FBN2: variants seen among roughly 807,000 people sequenced by gnomAD.
The protein encoded by FBN2 is fibrillin-2.
FBN2 carries 105 observed loss-of-function variants against 355.6 expected under a neutral mutation model. That is an observed-to-expected ratio of 0.30 (90% confidence interval 0.25 to 0.35). The LOEUF is 0.35. Ranked by LOEUF, FBN2 falls within the 10% of genes least tolerant of loss-of-function variation. The pLI is 1.00. For missense variants in FBN2, 3,280 were observed against 3,758.7 expected, an observed-to-expected ratio of 0.87 and a Z score of 3.33; for synonymous variants, 1,350 against 1,301.2, an observed-to-expected ratio of 1.04 and a Z score of -0.81.
intron 6 of FBN2, among the ~76,000 whole-genome samples, chr5:128,456,023 A>AAAAAAAAAAAAAAGC (rs1554070903): frequency 3.2e-4 from 47 of 145,888 alleles, no homozygotes; most frequent in Non-Finnish European, 6.4e-4. Flanking sequence ...AAAAAAAAAA[A>AAAAAAAAAAAAAAGC]GCAACTGCTG....
chr5:128,294,986 T>A (rs1350886125), intron 48 of FBN2, among the ~76,000 whole-genome samples: 2 of 150,284 alleles, frequency 1.3e-5, no homozygotes, highest in African/African-American at 4.9e-5. Context: ...GTTTAAGTCT[T>A]TAATCCATCT....
chr5:128,369,444 G>T (rs1408712438), intron 15 of FBN2, 110 bp from the exon 16 acceptor site: 2 of 995,848 alleles, frequency 2.0e-6, no homozygotes, highest in Admixed American at 4.0e-5. Flanking sequence ...GCTTTTCAAG[G>T]GCATCTGAGA....
At chr5:128,344,538 G>A (rs1751117629) in intron 24 of FBN2, 28 bp from the exon 25 acceptor site, 1 of 1,611,500 alleles carries the variant, frequency 6.2e-7, no homozygotes, top group African/African-American at 1.3e-5. Flanking sequence ...CCAGAATGTA[G>A]AGCCGGTTGA....
chr5:128,391,558 G>A (rs1313373732), intron 11 of FBN2, among the ~76,000 whole-genome samples: 1 of 152,034 alleles, frequency 6.6e-6, no homozygotes, highest in African/African-American at 2.4e-5. Context: ...AATTATCAAA[G>A]TAGAGATAAC....
chr5:128,378,675 T>A, intron 12 of FBN2, 96 bp downstream of exon 12: 1 of 1,319,596 alleles, frequency 7.6e-7, no homozygotes, highest in Non-Finnish European at 1.1e-6. Context: ...TAACACTTAT[T>A]TTATTCCATG....
intron 3 of FBN2, among the ~76,000 whole-genome samples, chr5:128,530,215 A>G: frequency 6.6e-6 from 1 of 152,216 alleles, no homozygotes; most frequent in East Asian, 1.9e-4. Flanking sequence ...GAAGCAAAAT[A>G]GGTCCATTAT....
chr5:128,290,817 G>A lies in FBN2; in HGVS notation c.6360C>T (p.Asn2120=), dbSNP rs750726089. 1.4e-5 allele frequency: 22 copies of A among 1,613,972 alleles called. No homozygotes were observed. The highest frequency in any genetic ancestry group is 1.8e-5 in the Non-Finnish European group (21 of 1,179,830). The part of the protein sequence containing the change: ...NGKCSVPKAF[N]TTKAKCCCSK... ...TACAGCAGCATTTTGCTTTTGTGGT[G>A]TTGAAAGCTTTGGGTACAGAACACT... The change falls in exon 50 of 65, where the codon AAC becomes AAT. Residue 2120 remains asparagine (N), a synonymous_variant. Coordinates refer to ENST00000262464, the MANE Select transcript of FBN2 (RefSeq NM_001999.4).
At position 128,276,174 on chromosome 5, in the gene FBN2, A is replaced by T. The variant is rs772646837; in HGVS notation, c.7472-14T>A. The T allele has an allele frequency of 9.9e-6, 16 of 1,612,900 alleles. No individual in the cohort carries two copies. The highest frequency in any genetic ancestry group is 1.4e-5 in the Non-Finnish European group (16 of 1,179,036). ...ATTCATCAAGGTCTAAGTAAAAGTG[A>T]TGTGAAGATTAAATTACTGGTTAAA... On this transcript the variant is annotated splice_polypyrimidine_tract_variant and intron_variant, in intron 58 of 64. Coordinates refer to ENST00000262464, the MANE Select transcript of FBN2 (RefSeq NM_001999.4).
In FBN2 at chr5:128,273,940, C is replaced by A; in HGVS notation, c.7740G>T (p.Ser2580=). The change falls in exon 61 of 65, where the codon TCG becomes TCT. Residue 2580 remains serine, a synonymous_variant. Coordinates refer to ENST00000262464, the MANE Select transcript of FBN2 (RefSeq NM_001999.4). The part of the protein sequence containing the change: ...IDNNECGSQP[S]LCGAKGICQN... ...GACAGATTCCCTTTGCTCCACAAAG[C>A]GAAGGTTGAGACCCACATTCGTTGT... is the stretch of plus-strand genomic sequence containing the variant. The A allele has an allele frequency of 1.2e-6, 2 of 1,613,840 alleles. No individual in the cohort carries two copies. Among genetic ancestry groups the A allele is most frequent in the South Asian group, 2.2e-5 (2 of 91,064 alleles).
At chr5:128,397,984 G>T (rs1008385756) in intron 8 of FBN2, among the ~76,000 whole-genome samples, 1 of 152,048 alleles carries the variant, frequency 6.6e-6, no homozygotes, top group Middle Eastern at 3.2e-3. Context: ...TAAGAAACTT[G>T]CCTGTCTCTA....
chr5:128,478,620 A>G (rs1215672613), intron 5 of FBN2, among the ~76,000 whole-genome samples: 1 of 152,206 alleles, frequency 6.6e-6, no homozygotes, highest in Non-Finnish European at 1.5e-5. Flanking sequence ...GATGAATCTG[A>G]TATGTCAAGG....
chr5:128,375,009 C>A (rs1035846953), intron 14 of FBN2, among the ~76,000 whole-genome samples: 1 of 152,130 alleles, frequency 6.6e-6, no homozygotes, highest in Non-Finnish European at 1.5e-5. Context: ...TCCCATTTAA[C>A]GCTAAATAAT....
At chr5:128,501,290 T>A (rs1447664095) in intron 5 of FBN2, among the ~76,000 whole-genome samples, 1 of 152,186 alleles carries the variant, frequency 6.6e-6, no homozygotes, top group Non-Finnish European at 1.5e-5. Context: ...GATCCTTTCA[T>A]CACTGCTGCC....
intron 5 of FBN2, among the ~76,000 whole-genome samples, chr5:128,471,936 G>C (rs553393731): frequency 1.3e-5 from 2 of 152,268 alleles, no homozygotes; most frequent in South Asian, 4.1e-4. Context: ...AAACAAAACA[G>C]TTCAAAAGGC....
intron 7 of FBN2, among the ~76,000 whole-genome samples, chr5:128,414,164 A>G (rs1753137628): frequency 6.6e-6 from 1 of 152,204 alleles, no homozygotes; most frequent in African/African-American, 2.4e-5. Context: ...TCACACATTT[A>G]AAGTGTAAAA....
At chr5:128,412,349 C>G (rs1398101588) in intron 7 of FBN2, among the ~76,000 whole-genome samples, 1 of 152,156 alleles carries the variant, frequency 6.6e-6, no homozygotes, top group African/African-American at 2.4e-5. Flanking sequence ...GACTGGGACA[C>G]CTAGTGGAAG....
At chr5:128,333,373 G>A (rs774574936) in intron 31 of FBN2, among the ~76,000 whole-genome samples, 6 of 152,026 alleles carry the variant, frequency 3.9e-5, no homozygotes, top group African/African-American at 7.3e-5. Context: ...GAGGACATTC[G>A]ATTACAGATC....
At chr5:128,375,108 A>G (rs144663842) in intron 14 of FBN2, among the ~76,000 whole-genome samples, 1 of 152,328 alleles carries the variant, frequency 6.6e-6, no homozygotes, top group Admixed American at 6.5e-5. Context: ...CTAGAAGTAG[A>G]TGCTATGCTG....
At chr5:128,414,816 T>G (rs1161583912) in intron 7 of FBN2, among the ~76,000 whole-genome samples, 1 of 152,126 alleles carries the variant, frequency 6.6e-6, no homozygotes. Flanking sequence ...CTTTTTTTTT[T>G]GCTTGTAGGT....
Sources: gnomAD v4.1 joint callset for allele counts (sites outside exome capture counted in the v4.1 genomes callset) on GRCh38, gnomAD v4.1.1 for gene constraint, MANE v1.5 for transcripts, NCBI Gene and HGNC (gene_info 2026-07-23, HGNC 2026-07-21) for gene names.